Variants in MED27 observed in about 807,000 individuals in gnomAD.
The protein encoded by MED27 is mediator of RNA polymerase II transcription subunit 27.
A neutral mutation model predicts 38.2 loss-of-function variants in MED27; 30 were observed. That is an observed-to-expected ratio of 0.79 (90% CI 0.59 to 1.07). The LOEUF is 1.07. MED27 is among the 50% of genes least tolerant of loss of function. The pLI, the probability that MED27 is intolerant of heterozygous loss-of-function variation, is 0.00. For missense variants in MED27, 289 were observed against 397.5 expected, an observed-to-expected ratio of 0.73 and a Z score of 2.32; for synonymous variants, 122 against 153.5, an observed-to-expected ratio of 0.79 and a Z score of 1.52.
intron 4 of MED27, among the ~76,000 whole-genome samples, chr9:131,931,682 T>C (rs995680869): frequency 3.9e-5 from 6 of 152,078 alleles, no homozygotes; most frequent in African/African-American, 1.2e-4. Context: ...TCCATGCCAA[T>C]GGAAACCAAA....
intron 3 of MED27, among the ~76,000 whole-genome samples, chr9:131,993,250 T>C (rs1056681881): frequency 1.3e-5 from 2 of 151,482 alleles, no homozygotes; most frequent in Non-Finnish European, 2.9e-5. Flanking sequence ...TTTTAAAAAA[T>C]TCAAGTTTTT....
At chr9:131,976,929 C>A (rs1274295560) in intron 3 of MED27, among the ~76,000 whole-genome samples, 1 of 152,194 alleles carries the variant, frequency 6.6e-6, no homozygotes, top group African/African-American at 2.4e-5. Flanking sequence ...CTCCCAAACC[C>A]TGATCACAAC....
At chr9:132,064,567 G>A (rs1247972829) in intron 2 of MED27, among the ~76,000 whole-genome samples, 3 of 152,200 alleles carry the variant, frequency 2.0e-5, no homozygotes, top group African/African-American at 4.8e-5. Context: ...CAATCAATGA[G>A]AATCCCTTAA....
At chr9:131,914,873 C>T (rs1294108286) in intron 4 of MED27, among the ~76,000 whole-genome samples, 5 of 152,110 alleles carry the variant, frequency 3.3e-5, no homozygotes, top group Non-Finnish European at 7.3e-5. Context: ...TCAGGAAGAA[C>T]CCATGGAATT....
chr9:131,911,012 G>A (rs555579243), intron 4 of MED27, among the ~76,000 whole-genome samples: 3 of 152,046 alleles, frequency 2.0e-5, no homozygotes, highest in Non-Finnish European at 4.4e-5. Context: ...AGCAAGATGG[G>A]ATGCAATTAA....
chr9:131,993,827 T>C (rs541563076), intron 3 of MED27, among the ~76,000 whole-genome samples: 122 of 152,346 alleles, frequency 8.0e-4, no homozygotes, highest in African/African-American at 2.6e-3. Context: ...GTCTTCTCCG[T>C]ACACTCTGAT....
chr9:131,888,178 G>T (rs1839171941), intron 5 of MED27, among the ~76,000 whole-genome samples: 1 of 152,200 alleles, frequency 6.6e-6, no homozygotes, highest in Non-Finnish European at 1.5e-5. Context: ...GCCATTTACT[G>T]ATGAAGATGA....
intron 3 of MED27, among the ~76,000 whole-genome samples, chr9:131,976,229 A>G (rs931821967): frequency 6.6e-6 from 1 of 152,190 alleles, no homozygotes; most frequent in Non-Finnish European, 1.5e-5. Context: ...GCGGTGAACT[A>G]AAGTCAGGTG....
chr9:132,055,612 A>G (rs1833559168), intron 2 of MED27, among the ~76,000 whole-genome samples: 5 of 152,234 alleles, frequency 3.3e-5, no homozygotes, highest in Admixed American at 3.3e-4. Flanking sequence ...AAGATGCCTT[A>G]TACTCACTCA....
chr9:131,944,829 G>T (rs528775433), intron 3 of MED27, among the ~76,000 whole-genome samples: 315 of 152,092 alleles, frequency 2.1e-3, no homozygotes, highest in African/African-American at 7.4e-3. Context: ...ACCACGCCCG[G>T]CTGTTTGTTA....
intron 3 of MED27, among the ~76,000 whole-genome samples, chr9:131,995,484 A>G (rs1466049238): frequency 1.3e-5 from 2 of 152,170 alleles, no homozygotes; most frequent in Non-Finnish European, 2.9e-5. Flanking sequence ...ACAACCATCA[A>G]CGTGGTGCAA....
At chr9:132,027,524 G>A (rs924275442) in intron 2 of MED27, among the ~76,000 whole-genome samples, 4 of 152,184 alleles carry the variant, frequency 2.6e-5, no homozygotes, top group African/African-American at 9.7e-5. Flanking sequence ...ACTGCCTTCT[G>A]ATGCTTCACA....
chr9:132,053,566 T>C (rs1224131292), intron 2 of MED27, among the ~76,000 whole-genome samples: 2 of 152,062 alleles, frequency 1.3e-5, no homozygotes, highest in African/African-American at 2.4e-5. Context: ...GTGGACACTA[T>C]CCCGTTTCAC....
intron 6 of MED27, among the ~76,000 whole-genome samples, chr9:131,864,574 T>C (rs186801704): frequency 3.2e-4 from 48 of 152,342 alleles, no homozygotes; most frequent in African/African-American, 1.1e-3. Flanking sequence ...TAGGTCTAAC[T>C]TGTGTAGACG....
rs1001532365 is a variant in MED27 at position 132,003,144 on chromosome 9, C to T, written c.479+11193G>A. 2.0e-5 allele frequency among the ~76,000 whole-genome samples: 3 copies of T among 152,052 alleles called. No homozygotes were observed. The highest frequency in any genetic ancestry group is 4.4e-5 in the Non-Finnish European group (3 of 68,018). ...TGTGATGAGCTGTACTACACAACCACCCATTTCTTTTCTTCCTTTGCCCAA... is the reference window on the plus strand; with the variant it reads ...TGTGATGAGCTGTACTACACAACCATCCATTTCTTTTCTTCCTTTGCCCAA... On this transcript the variant is annotated intron_variant, in intron 3 of 7. Transcript: ENST00000292035. This position sits in a 1 kb window ranked among gnomAD's most constrained non-coding sequence, Gnocchi z 4.2.
chr9:131,978,006 C>T (rs191858640), intron 3 of MED27, among the ~76,000 whole-genome samples: 2 of 152,310 alleles, frequency 1.3e-5, no homozygotes, highest in East Asian at 1.9e-4. Flanking sequence ...CGGCAGCTAA[C>T]GTCATCAAAA....
At chr9:131,886,224 A>G (rs2131490125) in intron 5 of MED27, among the ~76,000 whole-genome samples, 1 of 152,336 alleles carries the variant, frequency 6.6e-6, no homozygotes, top group African/African-American at 2.4e-5. Context: ...CCTGTTCACA[A>G]TTAGTTTCAT....
intron 5 of MED27, among the ~76,000 whole-genome samples, chr9:131,890,591 A>C (rs1839212097): frequency 6.6e-6 from 1 of 152,168 alleles, no homozygotes; most frequent in African/African-American, 2.4e-5. Flanking sequence ...ATTCCAGCTT[A>C]AGCATTTTCA....
intron 6 of MED27, 37 bp from the exon 7 acceptor site, chr9:131,863,177 C>T: frequency 6.3e-7 from 1 of 1,577,812 alleles, no homozygotes; most frequent in Non-Finnish European, 8.7e-7. Context: ...AGCGGCCACT[C>T]CAAGCTGGCA....
Sources: allele counts gnomAD v4.1 joint callset (sites outside exome capture counted in the v4.1 genomes callset), GRCh38; gene constraint gnomAD v4.1.1; non-coding constraint Gnocchi (gnomAD v3.1); transcripts MANE v1.5; gene names NCBI Gene and HGNC (gene_info 2026-07-23, HGNC 2026-07-21).